SH3RF1: variants seen among roughly 807,000 people sequenced by gnomAD.
SH3RF1 encodes the protein E3 ubiquitin-protein ligase SH3RF1.
Under a neutral mutation model 74.0 loss-of-function variants are expected in SH3RF1, and 32 were observed. The observed-to-expected ratio is 0.43, with a 90% CI of 0.33 to 0.58. The LOEUF is 0.58. SH3RF1 is among the 20% of genes least tolerant of loss of function. SH3RF1 has a pLI of 0.05. For missense variants in SH3RF1, 954 were observed against 1,130.9 expected, an observed-to-expected ratio of 0.84 and a Z score of 2.24; for synonymous variants, 396 against 439.6, an observed-to-expected ratio of 0.90 and a Z score of 1.24.
At chr4:169,148,009 G>C (rs1733920776) in intron 4 of SH3RF1, among the ~76,000 whole-genome samples, 1 of 47,872 alleles carries the variant, frequency 2.1e-5, no homozygotes, top group Non-Finnish European at 4.8e-5. Flanking sequence ...TAATTAGTTT[G>C]TGATTTTTCT....
At chr4:169,255,798 C>T (rs902787522) in intron 2 of SH3RF1, among the ~76,000 whole-genome samples, 10 of 151,580 alleles carry the variant, frequency 6.6e-5, no homozygotes, top group Admixed American at 2.0e-4. Flanking sequence ...TCAAGAGTCT[C>T]GTTCTGTTGC....
At chr4:169,107,513 A>G (rs1280589482) in intron 10 of SH3RF1, among the ~76,000 whole-genome samples, 5 of 152,244 alleles carry the variant, frequency 3.3e-5, no homozygotes, top group Admixed American at 3.3e-4. Flanking sequence ...CCGTTGAAGT[A>G]GGATAAACCG....
intron 2 of SH3RF1, chr4:169,166,859 C>A: frequency 3.3e-6 from 1 of 301,132 alleles, no homozygotes; most frequent in South Asian, 5.2e-5. Flanking sequence ...GCCACCTCAA[C>A]CAAAATTGGT....
At chr4:169,249,050 A>AC (rs199530964) in intron 2 of SH3RF1, among the ~76,000 whole-genome samples, 6,870 of 152,098 alleles carry the variant, frequency 0.045, 241 homozygotes, top group South Asian at 0.18. Flanking sequence ...ACTCGGTGAA[A>AC]CCCCATCTCT....
intron 4 of SH3RF1, among the ~76,000 whole-genome samples, chr4:169,139,912 T>C (rs1432938415): frequency 6.6e-6 from 1 of 152,266 alleles, no homozygotes; most frequent in African/African-American, 2.4e-5. Flanking sequence ...GCTCTCCACA[T>C]GTATAATGCA....
intron 2 of SH3RF1, among the ~76,000 whole-genome samples, chr4:169,227,293 A>G (rs1730666738): frequency 6.6e-6 from 1 of 152,256 alleles, no homozygotes; most frequent in Non-Finnish European, 1.5e-5. Flanking sequence ...AAAACTCTGA[A>G]TTAAACACTA....
intron 2 of SH3RF1, among the ~76,000 whole-genome samples, chr4:169,248,431 G>A (rs1168197652): frequency 2.0e-5 from 3 of 152,044 alleles, no homozygotes; most frequent in Non-Finnish European, 4.4e-5. Flanking sequence ...AGTGGGAGTC[G>A]AATAATGAAA....
chr4:169,153,300 T>G (rs185499521), intron 4 of SH3RF1, among the ~76,000 whole-genome samples: 119 of 152,270 alleles, frequency 7.8e-4, no homozygotes, highest in Non-Finnish European at 1.5e-3. Flanking sequence ...TTCTAGGAGA[T>G]AACAGTTTTT....
Position 169,269,032 on chromosome 4 carries a change from C to T in SH3RF1, c.181G>A (p.Glu61Lys). Residue 61 changes from glutamate to lysine, a missense_variant, in exon 2 of 12, where the codon GAG becomes AAG. By Grantham distance (56) the Glu-to-Lys change is moderately conservative. Around this residue, in one of 3 missense-constraint regions of SH3RF1, gnomAD observed 64 missense variants for 101.9 expected, o/e 0.63. Transcript: ENST00000284637. ...AGCAAGATGTTACTGGGAAGCTCCTCGACACCCGAGCCAACAAGAGTCCTG... is the reference window on the plus strand; with the variant it reads ...AGCAAGATGTTACTGGGAAGCTCCTTGACACCCGAGCCAACAAGAGTCCTG... Reference protein sequence around the residue: ...ECRTLVGSGVEELPSNILLVR... With the variant: ...ECRTLVGSGVKELPSNILLVR... 1 of 1,614,112 alleles carries T rather than the reference C, an allele frequency of 6.2e-7. No homozygotes were observed. Among genetic ancestry groups the T allele is most frequent in the Non-Finnish European group, 8.5e-7 (1 of 1,180,014 alleles).
intron 4 of SH3RF1, among the ~76,000 whole-genome samples, chr4:169,150,259 C>A (rs1455808119): frequency 6.6e-6 from 1 of 152,220 alleles, no homozygotes; most frequent in Non-Finnish European, 1.5e-5. Flanking sequence ...GACAATAAGT[C>A]TGTCCTACCT....
At chr4:169,098,006 A>C (rs1404679875) in intron 11 of SH3RF1, among the ~76,000 whole-genome samples, 5 of 152,228 alleles carry the variant, frequency 3.3e-5, no homozygotes, top group Non-Finnish European at 7.3e-5. Flanking sequence ...TTAGAAGGGG[A>C]TCCTCCAGCC....
chr4:169,257,487 G>A (rs998756994), intron 2 of SH3RF1, among the ~76,000 whole-genome samples: 2 of 152,116 alleles, frequency 1.3e-5, no homozygotes, highest in African/African-American at 4.8e-5. Flanking sequence ...CGACATGGTC[G>A]CTCTGTCTAA....
At chr4:169,223,723 T>C (rs1730608681) in intron 2 of SH3RF1, among the ~76,000 whole-genome samples, 1 of 152,202 alleles carries the variant, frequency 6.6e-6, no homozygotes, top group African/African-American at 2.4e-5. Flanking sequence ...TAGAAGTTAA[T>C]TTCAGGTTGT....
intron 2 of SH3RF1, among the ~76,000 whole-genome samples, chr4:169,224,928 T>C (rs983662884): frequency 3.7e-4 from 56 of 152,164 alleles, no homozygotes; most frequent in Admixed American, 2.0e-4. Context: ...CTAAGGGACA[T>C]CGAGTCTCAT....
At chr4:169,207,222 G>A (rs772065376) in intron 2 of SH3RF1, among the ~76,000 whole-genome samples, 27 of 152,192 alleles carry the variant, frequency 1.8e-4, no homozygotes, top group Non-Finnish European at 3.4e-4. Flanking sequence ...CCTCCCAACA[G>A]GCTGGGATAA....
chr4:169,218,275 A>C (rs957963890), intron 2 of SH3RF1, among the ~76,000 whole-genome samples: 1 of 127,654 alleles, frequency 7.8e-6, no homozygotes, highest in African/African-American at 3.0e-5. Context: ...ATAGAATATA[A>C]ATATATAATA....
In SH3RF1 at chr4:169,188,810, C is replaced by T. The variant is rs549044857; in HGVS notation, c.394-32131G>A. 7.8e-4 allele frequency among the ~76,000 whole-genome samples: 119 copies of T among 152,298 alleles called. 1 individual carries two copies. In the South Asian group the frequency reaches 0.018, roughly 23 times the overall value. ...CCATACTCCCTCTATCAATTTGGTG[C>T]GTGTGCTTCAAGCTTTCAGCAAGGA... On this transcript the variant is annotated intron_variant, in intron 2 of 11. Transcript: ENST00000284637.
At chr4:169,200,000 GAA>G (rs1734883183) in intron 2 of SH3RF1, among the ~76,000 whole-genome samples, 1 of 151,924 alleles carries the variant, frequency 6.6e-6, no homozygotes, top group Non-Finnish European at 1.5e-5. Context: ...AGGCAAATAT[GAA>G]CCTAAATAAA....
chr4:169,116,869 G>C (rs1471908019), intron 9 of SH3RF1, among the ~76,000 whole-genome samples: 1 of 152,146 alleles, frequency 6.6e-6, no homozygotes, highest in African/African-American at 2.4e-5. Context: ...GCTCAGTTTT[G>C]ACCCAAGTCC....
Sources: allele counts gnomAD v4.1 joint callset (sites outside exome capture counted in the v4.1 genomes callset), GRCh38; gene constraint gnomAD v4.1.1; regional missense constraint gnomAD v4.1.1; transcripts MANE v1.5; gene names NCBI Gene and HGNC (gene_info 2026-07-23, HGNC 2026-07-21).